The following UGT1A5 variants were observed in gnomAD, a reference collection of about 807,000 sequenced individuals.
UGT1A5 encodes UDP-glucuronosyltransferase 1A5.
Under a neutral mutation model 40.3 loss-of-function variants are expected in UGT1A5, and 29 were observed. The ratio of observed to expected loss-of-function variants is 0.72; its 90% CI spans 0.54 to 0.98. UGT1A5 has a LOEUF of 0.98. Among genes scored for constraint, UGT1A5 ranks in the 50% least tolerant of loss-of-function variants. The probability of loss-of-function intolerance (pLI) is 0.00; values close to 1 mark genes in which losing one functional copy is unlikely to be tolerated. For missense variants in UGT1A5, 678 were observed against 677.9 expected (o/e 1.00, Z 0.00); for synonymous variants, 257 against 262.5 (o/e 0.98, Z 0.20).
In UGT1A5 at chr2:233,760,894, CACATGACCTTCCTGCAGCGGGTGA is replaced by C. The variant is rs1553620849; in HGVS notation, c.868-6138_868-6115del. ...CAGGCCTCTCTCCTCTCATTCAGAT[CACATGACCTTCCTGCAGCGGGTGA>C]AGAACATGCTCATTGCCTTTTCACA... On this transcript the variant is annotated intron_variant, in intron 1 of 4. Coordinates refer to ENST00000373414, the MANE Select transcript of UGT1A5 (RefSeq NM_019078.2). The C allele has an allele frequency of 3.1e-6, 5 of 1,614,174 alleles. No homozygotes were observed. The highest frequency in any genetic ancestry group is 1.7e-5 in the Admixed American group (1 of 60,026).
In UGT1A5 at chr2:233,767,996, A is replaced by G. The variant is rs555884765; in HGVS notation, c.1087+60A>G. The G allele has an allele frequency of 8.8e-4, 1,425 of 1,614,192 alleles. 2 individuals are homozygous for G. The highest frequency in any genetic ancestry group is 7.6e-4 in the Non-Finnish European group (900 of 1,180,046). ...AGGGTCAAATTAAGAAAATGGCTTA[A>G]GCACAGCTATTCTAAAGGATTGTTG... On this transcript the variant is annotated intron_variant, in intron 3 of 4. Transcript: ENST00000373414.
At chr2:233,721,058 T>A (rs1412499467) in intron 1 of UGT1A5, among the ~76,000 whole-genome samples, 2 of 152,122 alleles carry the variant, frequency 1.3e-5, no homozygotes, top group African/African-American at 4.8e-5. Flanking sequence ...TTTGTCATAT[T>A]CACTGAATTT....
At chr2:233,742,506 T>C (rs1389190553) in intron 1 of UGT1A5, among the ~76,000 whole-genome samples, 1 of 151,946 alleles carries the variant, frequency 6.6e-6, no homozygotes, top group East Asian at 1.9e-4. Flanking sequence ...ATGGCTATCA[T>C]GAACACGTCA....
intron 1 of UGT1A5, chr2:233,754,349 G>A (rs1243169158): frequency 7.7e-6 from 2 of 260,182 alleles, no homozygotes; most frequent in African/African-American, 4.5e-5. Context: ...ATAGCAAATT[G>A]CATACAGATA....
At chr2:233,756,273 T>C (rs976483084) in intron 1 of UGT1A5, 1 of 152,230 alleles carries the variant, frequency 6.6e-6, no homozygotes. Context: ...TCAAGCTCCT[T>C]TTATAAAATG....
chr2:233,735,071 T>C (rs1186471486), intron 1 of UGT1A5, among the ~76,000 whole-genome samples: 1 of 152,214 alleles, frequency 6.6e-6, no homozygotes, highest in Non-Finnish European at 1.5e-5. Flanking sequence ...GATATCCTTG[T>C]TAACCTTTGG....
In UGT1A5 at chr2:233,769,619, C is replaced by T; in HGVS notation, c.1307+1180C>T. The T allele has an allele frequency of 6.2e-7, 1 of 1,612,516 alleles. No individual in the cohort carries two copies. Among genetic ancestry groups the T allele is most frequent in the African/African-American group, 1.3e-5 (1 of 75,052 alleles). ...GAACACGGGGACACACCAGCTTGAG[C>T]AAGGGACAACAGGGGAGGACTGATG... On this transcript the variant is annotated intron_variant, in intron 4 of 4. Transcript: ENST00000373414. The surrounding 1 kb of genome is among the most constrained non-coding windows in gnomAD (Gnocchi z 4.4).
In UGT1A5 at chr2:233,733,915, C is replaced by T. The variant is rs114264669; in HGVS notation, c.867+20057C>T. On this transcript the variant is annotated intron_variant, in intron 1 of 4. Coordinates refer to ENST00000373414, the MANE Select transcript of UGT1A5 (RefSeq NM_019078.2). ...CTGTTTGTACCTCTCTGGTAGAATT[C>T]GGCTGTGAGGAAGGGGAACATCACA... is the stretch of plus-strand genomic sequence containing the variant. Among the ~76,000 whole-genome samples, 1,498 of 151,134 alleles carry T rather than the reference C, an allele frequency of 9.9e-3. 23 individuals are homozygous for T. The highest frequency in any genetic ancestry group is 0.035 in the African/African-American group (1,427 of 41,026).
At chr2:233,735,242 T>C (rs989843667) in intron 1 of UGT1A5, among the ~76,000 whole-genome samples, 1 of 152,236 alleles carries the variant, frequency 6.6e-6, no homozygotes, top group Non-Finnish European at 1.5e-5. Context: ...CTCTTGTTGT[T>C]GAATTGCTCC....
chr2:233,766,442 C>CT (rs982093013), intron 1 of UGT1A5, among the ~76,000 whole-genome samples: 2 of 152,206 alleles, frequency 1.3e-5, no homozygotes, highest in African/African-American at 4.8e-5. Flanking sequence ...ACCTGTGTGT[C>CT]TGCCTGCTAG....
At chr2:233,749,714 G>C (rs1485343485) in intron 1 of UGT1A5, among the ~76,000 whole-genome samples, 2 of 151,806 alleles carry the variant, frequency 1.3e-5, no homozygotes, top group Non-Finnish European at 2.9e-5. Flanking sequence ...TGGATCATGG[G>C]GGCAGTTTCG....
intron 1 of UGT1A5, chr2:233,719,039 A>C (rs201935850): frequency 2.4e-4 from 385 of 1,614,106 alleles, no homozygotes; most frequent in Admixed American, 1.3e-3. Flanking sequence ...AAGAAGAGAA[A>C]TTTTTCACCC....
intron 1 of UGT1A5, among the ~76,000 whole-genome samples, chr2:233,717,526 T>C (rs1481309562): frequency 5.3e-5 from 8 of 152,182 alleles, no homozygotes; most frequent in Non-Finnish European, 1.0e-4. Context: ...ACTTCCTCCA[T>C]AAGGGAAGCC....
rs948752989 is a variant in UGT1A5 at position 233,724,891 on chromosome 2, C to G, written c.867+11033C>G. Reference sequence around the variant, plus strand: ...GTAGTGAGCGGAGATCACGCCACTGCACTCCAGCCTGGGCACCATTGAGCA... The same window carrying G: ...GTAGTGAGCGGAGATCACGCCACTGGACTCCAGCCTGGGCACCATTGAGCA... On this transcript the variant is annotated intron_variant, in intron 1 of 4. Transcript: ENST00000373414. Among the ~76,000 whole-genome samples the G allele has an allele frequency of 2.9e-4, 40 of 136,070 alleles. 2 individuals carry two copies. Among genetic ancestry groups the G allele is most frequent in the African/African-American group, 1.2e-3 (40 of 33,596 alleles). The allele number at this position is 136,070 out of a possible 152,430, so 89.3% of individuals were successfully genotyped here. A position where few individuals can be genotyped will look rare whatever the true frequency, so the allele number is the denominator to read the frequency against.
intron 1 of UGT1A5, among the ~76,000 whole-genome samples, chr2:233,721,302 G>T (rs541150498): frequency 6.6e-6 from 1 of 152,116 alleles, no homozygotes; most frequent in Non-Finnish European, 1.5e-5. Context: ...CATTTGAATA[G>T]TGATTGTGGC....
intron 1 of UGT1A5, chr2:233,747,970 C>T: frequency 6.2e-7 from 1 of 1,613,476 alleles, no homozygotes; most frequent in Non-Finnish European, 8.5e-7. Context: ...AGCCATGCAT[C>T]TGTGTGGCTG....
Position 233,769,795 on chromosome 2 carries a change from C to A in UGT1A5, c.1307+1356C>A. 1 of 1,235,564 alleles carries A rather than the reference C, an allele frequency of 8.1e-7. No homozygotes were observed. The highest frequency in any genetic ancestry group is 1.1e-6 in the Non-Finnish European group (1 of 932,226). 76.5% of individuals were successfully genotyped at this position (1,235,564 alleles called of 1,614,324 possible). On this transcript the variant is annotated intron_variant, in intron 4 of 4. Coordinates refer to ENST00000373414, the MANE Select transcript of UGT1A5 (RefSeq NM_019078.2). This position sits in a 1 kb window ranked among gnomAD's most constrained non-coding sequence, Gnocchi z 4.4. ...GCTTGAGCCCAGAAGTTGGAGGCTG[C>A]TATGAGCCGTGATCATGCCACTGCA...
At chr2:233,719,407 A>G (rs775904501) in intron 1 of UGT1A5, 11 of 1,613,816 alleles carry the variant, frequency 6.8e-6, no homozygotes, top group African/African-American at 5.3e-5. Context: ...TATATTCCTA[A>G]GTTACTAACG....
intron 4 of UGT1A5, chr2:233,770,148 T>A (rs1432860944): frequency 2.0e-5 from 3 of 152,232 alleles, no homozygotes; most frequent in Admixed American, 6.5e-5. Context: ...CATTATTTTT[T>A]AAAAAAACAC....
Sources: allele counts gnomAD v4.1 joint callset (sites outside exome capture counted in the v4.1 genomes callset), GRCh38; gene constraint gnomAD v4.1.1; non-coding constraint Gnocchi (gnomAD v3.1); transcripts MANE v1.5; gene names NCBI Gene and HGNC (gene_info 2026-07-23, HGNC 2026-07-21).